LTBP1: variants seen among roughly 807,000 people sequenced by gnomAD.
The protein encoded by LTBP1 is latent transforming growth factor beta binding protein 1.
A neutral mutation model predicts 207.6 loss-of-function variants in LTBP1; 129 were observed. The ratio of observed to expected loss-of-function variants is 0.62; its 90% CI spans 0.54 to 0.72. The LOEUF (loss-of-function observed/expected upper bound fraction) is 0.72. Among genes scored for constraint, LTBP1 ranks in the 30% least tolerant of loss-of-function variants. The pLI, the probability that LTBP1 is intolerant of heterozygous loss-of-function variation, is 0.00. For synonymous variants in LTBP1, 963 were observed against 833.7 expected (o/e 1.16, Z -2.67); for missense variants, 2,281 against 2,217.2 (o/e 1.03, Z -0.58).
chr2:33,285,035 C>CTTT (rs934497674), intron 19 of LTBP1, among the ~76,000 whole-genome samples: 1,651 of 120,074 alleles, frequency 0.014, 27 homozygotes, highest in Non-Finnish European at 0.02. Context: ...GTATCACATT[C>CTTT]TTTTTTTTTT....
At chr2:33,321,751 T>G (rs2094357676) in intron 24 of LTBP1, among the ~76,000 whole-genome samples, 1 of 152,222 alleles carries the variant, frequency 6.6e-6, no homozygotes, top group African/African-American at 2.4e-5. Context: ...TTTAAGAGTT[T>G]TCGGGTCTGA....
At chr2:33,064,086 C>T (rs2077390769) in intron 3 of LTBP1, among the ~76,000 whole-genome samples, 1 of 152,160 alleles carries the variant, frequency 6.6e-6, no homozygotes, top group Admixed American at 6.5e-5. Context: ...AACTCCTGAC[C>T]TCATGATTTA....
intron 25 of LTBP1, among the ~76,000 whole-genome samples, chr2:33,345,341 G>A (rs892053403): frequency 6.6e-6 from 1 of 152,226 alleles, no homozygotes; most frequent in Non-Finnish European, 1.5e-5. Context: ...CAGGAGTTGG[G>A]ACTGCTGGCT....
chr2:33,224,863 A>G (rs1353435298), intron 9 of LTBP1, among the ~76,000 whole-genome samples: 1 of 152,116 alleles, frequency 6.6e-6, no homozygotes. Context: ...CCAAAGAATC[A>G]GTTATTTGTT....
At chr2:33,171,440 A>T (rs1015691545) in intron 5 of LTBP1, among the ~76,000 whole-genome samples, 23 of 149,152 alleles carry the variant, frequency 1.5e-4, no homozygotes, top group Non-Finnish European at 7.4e-5. Flanking sequence ...AAATGAAGCG[A>T]GAAGGGAAGT....
At chr2:33,043,826 G>A (rs1175158725) in intron 3 of LTBP1, among the ~76,000 whole-genome samples, 1 of 152,178 alleles carries the variant, frequency 6.6e-6, no homozygotes, top group Non-Finnish European at 1.5e-5. Context: ...ATAGAGAAGG[G>A]AAGAGACTAA....
intron 2 of LTBP1, among the ~76,000 whole-genome samples, chr2:32,996,109 T>C (rs1012067646): frequency 3.3e-5 from 5 of 152,218 alleles, no homozygotes; most frequent in Non-Finnish European, 7.3e-5. Context: ...TGGATTATGT[T>C]TGGAACTCTC....
intron 5 of LTBP1, among the ~76,000 whole-genome samples, chr2:33,150,930 C>T (rs528121626): frequency 8.6e-5 from 13 of 151,336 alleles, no homozygotes; most frequent in African/African-American, 2.4e-4. Context: ...AGTAGAGGCA[C>T]GGTTTCACCA....
chr2:33,071,612 G>T (rs1267060816), intron 3 of LTBP1, among the ~76,000 whole-genome samples: 1 of 147,570 alleles, frequency 6.8e-6, no homozygotes, highest in African/African-American at 2.5e-5. Context: ...AAGGAGGATA[G>T]AATTCAAGTA....
At chr2:32,984,650 G>A (rs996279495) in intron 2 of LTBP1, among the ~76,000 whole-genome samples, 4 of 152,158 alleles carry the variant, frequency 2.6e-5, no homozygotes, top group African/African-American at 7.2e-5. Flanking sequence ...GGCCAGGCGC[G>A]GTGGCTCACG....
At chr2:33,364,760 C>G (rs535723961) in intron 30 of LTBP1, among the ~76,000 whole-genome samples, 8 of 152,128 alleles carry the variant, frequency 5.3e-5, no homozygotes, top group Non-Finnish European at 1.0e-4. Context: ...TGGAGAGCCC[C>G]GAAGTCCACT....
intron 23 of LTBP1, among the ~76,000 whole-genome samples, chr2:33,314,672 G>A (rs986649207): frequency 1.3e-5 from 2 of 152,134 alleles, no homozygotes; most frequent in African/African-American, 2.4e-5. Context: ...CCATTTATGA[G>A]CCAAATACTA....
intron 7 of LTBP1, among the ~76,000 whole-genome samples, chr2:33,192,187 A>G (rs1000584460): frequency 6.6e-6 from 1 of 152,186 alleles, no homozygotes; most frequent in African/African-American, 2.4e-5. Context: ...TTGCACAAAT[A>G]TTAAGCCTCT....
At chr2:33,145,582 C>T (rs979555611) in intron 5 of LTBP1, among the ~76,000 whole-genome samples, 1 of 152,178 alleles carries the variant, frequency 6.6e-6, no homozygotes, top group African/African-American at 2.4e-5. Context: ...ACTGCATTGT[C>T]CTTTTCTGAA....
chr2:33,082,629 G>A (rs1028889661), intron 3 of LTBP1, among the ~76,000 whole-genome samples: 5 of 151,842 alleles, frequency 3.3e-5, no homozygotes, highest in African/African-American at 9.7e-5. Context: ...GTTTCACCAC[G>A]TTAGCCAGGA....
At chr2:33,389,720 A>G (rs2095299070) in intron 32 of LTBP1, among the ~76,000 whole-genome samples, 1 of 152,046 alleles carries the variant, frequency 6.6e-6, no homozygotes, top group South Asian at 2.1e-4. Flanking sequence ...GCTCACTGCA[A>G]CCTCCACCTC....
intron 3 of LTBP1, among the ~76,000 whole-genome samples, chr2:33,064,537 C>T (rs1297693610): frequency 6.6e-6 from 1 of 152,160 alleles, no homozygotes; most frequent in Non-Finnish European, 1.5e-5. Flanking sequence ...CGATGTTACT[C>T]GTGTAGTAGG....
At chr2:33,375,711 T>TTA (rs1232498732) in intron 31 of LTBP1, among the ~76,000 whole-genome samples, 1 of 149,846 alleles carries the variant, frequency 6.7e-6, no homozygotes, top group African/African-American at 2.5e-5. Flanking sequence ...TGTATTTTTT[T>TTA]TTTTTTTTTT....
intron 4 of LTBP1, among the ~76,000 whole-genome samples, chr2:33,133,655 C>T (rs191252531): frequency 6.6e-6 from 1 of 152,238 alleles, no homozygotes. Context: ...ACAAAAGCAG[C>T]CATAGACAGT....
Sources: gnomAD v4.1 joint callset for allele counts (sites outside exome capture counted in the v4.1 genomes callset) on GRCh38, gnomAD v4.1.1 for gene constraint, MANE v1.5 for transcripts, NCBI Gene and HGNC (gene_info 2026-07-23, HGNC 2026-07-21) for gene names.